MGAT4C: variants seen among roughly 807,000 people sequenced by gnomAD.
MGAT4C encodes the protein alpha-1,3-mannosyl-glycoprotein 4-beta-N-acetylglucosaminyltransferase C.
In MGAT4C, 19 loss-of-function variants were observed where a neutral mutation model predicts 40.1. The observed-to-expected ratio is 0.47, with a 90% CI of 0.33 to 0.70. MGAT4C has a LOEUF of 0.70. MGAT4C is among the 30% of genes least tolerant of loss of function. The pLI is 0.02. For missense variants in MGAT4C, 491 were observed against 563.2 expected (o/e 0.87, Z 1.30); for synonymous variants, 181 against 187.1 (o/e 0.97, Z 0.27).
intron 4 of MGAT4C, among the ~76,000 whole-genome samples, chr12:86,331,304 C>T (rs575695523): frequency 3.9e-5 from 6 of 152,184 alleles, no homozygotes; most frequent in Non-Finnish European, 7.4e-5. Context: ...GGCCTGCTAG[C>T]ACTTGGGAGG....
At chr12:86,437,072 T>C (rs1957150121) in intron 2 of MGAT4C, among the ~76,000 whole-genome samples, 1 of 151,616 alleles carries the variant, frequency 6.6e-6, no homozygotes, top group African/African-American at 2.4e-5. Context: ...TGGCAGTGAG[T>C]TAATTTATAA....
chr12:86,568,545 C>CATATATAT (rs1232291041), intron 2 of MGAT4C, among the ~76,000 whole-genome samples: 8,159 of 138,452 alleles, frequency 0.059, 266 homozygotes, highest in East Asian at 0.11. Context: ...AACTCCCCTT[C>CATATATAT]ATATATATAT....
At position 86,034,292 on chromosome 12, in the gene MGAT4C, C is replaced by G. The variant is rs926304487; in HGVS notation, c.-7+15382G>C. 2.0e-5 allele frequency among the ~76,000 whole-genome samples: 3 copies of G among 149,554 alleles called. 1 individual carries two copies. The highest frequency in any genetic ancestry group is 4.9e-5 in the African/African-American group (2 of 41,206). On this transcript the variant is annotated intron_variant, in intron 2 of 4. Coordinates refer to ENST00000611864, the MANE Select transcript of MGAT4C (RefSeq NM_001351288.2). The stretch of plus-strand genomic sequence containing the variant: ...AGAATGAGTTAGGAAGGAGTCCCTT[C>G]TCTTCAAATTTTTGGAATAGTTTCA...
At chr12:86,063,845 A>T (rs1368506407) in intron 1 of MGAT4C, among the ~76,000 whole-genome samples, 2 of 152,274 alleles carry the variant, frequency 1.3e-5, no homozygotes, top group South Asian at 4.1e-4. Context: ...CAACAAGAAG[A>T]GCTAACTATT....
intron 3 of MGAT4C, among the ~76,000 whole-genome samples, chr12:86,379,473 T>G (rs1048742406): frequency 1.3e-5 from 2 of 152,152 alleles, no homozygotes; most frequent in East Asian, 3.8e-4. Flanking sequence ...AAAGTTTATA[T>G]TATTTGCACT....
chr12:86,484,472 A>G (rs1957985023), intron 2 of MGAT4C, among the ~76,000 whole-genome samples: 1 of 152,210 alleles, frequency 6.6e-6, no homozygotes, highest in Admixed American at 6.5e-5. Flanking sequence ...CTTTGCCTGC[A>G]GTCCCACCTG....
At position 85,975,146 on chromosome 12, in the gene MGAT4C, A is replaced by G. The variant is rs1883879943; in HGVS notation, c.*4143T>C. ...TTTTGATAAGGTTTCTAGAGTAATA[A>G]ATTAGAATGACAGGAATATATATTG... On this transcript the variant is annotated 3_prime_UTR_variant, in exon 5 of 5. Transcript: ENST00000611864. 6.6e-6 allele frequency: 1 copy of G among 150,928 alleles called. No individual in the cohort carries two copies. The highest frequency in any genetic ancestry group is 2.4e-5 in the African/African-American group (1 of 41,314). The allele number at this position is 150,928 out of a possible 1,614,324, so 9.3% of individuals were successfully genotyped here.
chr12:86,014,303 A>C (rs1426592469), intron 2 of MGAT4C, among the ~76,000 whole-genome samples: 2 of 152,148 alleles, frequency 1.3e-5, no homozygotes, highest in Non-Finnish European at 2.9e-5. Flanking sequence ...CTAAACCGGA[A>C]CTGGGAAACT....
At chr12:86,203,318 GA>G (rs1425003753) in intron 1 of MGAT4C, among the ~76,000 whole-genome samples, 1 of 152,098 alleles carries the variant, frequency 6.6e-6, no homozygotes, top group East Asian at 1.9e-4. Flanking sequence ...GGGTAGGCTA[GA>G]ACTCTAATGG....
chr12:86,610,098 C>T (rs868140391), intron 2 of MGAT4C, among the ~76,000 whole-genome samples: 60 of 152,172 alleles, frequency 3.9e-4, no homozygotes, highest in African/African-American at 1.2e-3. Flanking sequence ...ACTGACCATG[C>T]ATGGCAATTT....
chr12:86,295,312 T>C (rs1393298141), intron 4 of MGAT4C, among the ~76,000 whole-genome samples: 1 of 152,178 alleles, frequency 6.6e-6, no homozygotes, highest in Non-Finnish European at 1.5e-5. Flanking sequence ...ATAAAAGTAA[T>C]GTGCCTGGAA....
chr12:86,216,252 A>G (rs531364075), intron 1 of MGAT4C, among the ~76,000 whole-genome samples: 5 of 152,336 alleles, frequency 3.3e-5, no homozygotes, highest in African/African-American at 1.2e-4. Context: ...GAGGTGCCTT[A>G]GAAAAGATAG....
intron 1 of MGAT4C, among the ~76,000 whole-genome samples, chr12:86,117,233 A>G (rs756047510): frequency 6.6e-6 from 1 of 152,196 alleles, no homozygotes; most frequent in Non-Finnish European, 1.5e-5. Flanking sequence ...TGGGCTAAAG[A>G]AGAAAACCAC....
At chr12:86,325,701 A>G (rs756778272) in intron 4 of MGAT4C, among the ~76,000 whole-genome samples, 8 of 152,070 alleles carry the variant, frequency 5.3e-5, no homozygotes, top group Non-Finnish European at 1.0e-4. Context: ...AATATGTCAA[A>G]GCCCTATCTC....
intron 3 of MGAT4C, among the ~76,000 whole-genome samples, chr12:86,390,157 A>T (rs1956138183): frequency 6.6e-6 from 1 of 152,192 alleles, no homozygotes; most frequent in Non-Finnish European, 1.5e-5. Context: ...AGCTGATTCC[A>T]AAAGAGCTCA....
intron 2 of MGAT4C, among the ~76,000 whole-genome samples, chr12:86,499,163 T>C (rs1356913742): frequency 6.6e-6 from 1 of 151,908 alleles, no homozygotes; most frequent in Non-Finnish European, 1.5e-5. Context: ...TAAGCCTTCA[T>C]TGACAGTGGG....
chr12:86,530,191 T>C (rs2136371770), intron 2 of MGAT4C, among the ~76,000 whole-genome samples: 1 of 152,128 alleles, frequency 6.6e-6, no homozygotes, highest in Non-Finnish European at 1.5e-5. Context: ...TCTTCTTTGT[T>C]CCTTATAACT....
intron 2 of MGAT4C, among the ~76,000 whole-genome samples, chr12:86,478,952 C>T (rs908786796): frequency 2.0e-5 from 3 of 151,786 alleles, no homozygotes; most frequent in Non-Finnish European, 4.4e-5. Context: ...TAACCTAGTC[C>T]TAAGATTAAA....
At chr12:86,398,772 G>T (rs1271548065) in intron 3 of MGAT4C, among the ~76,000 whole-genome samples, 1 of 151,770 alleles carries the variant, frequency 6.6e-6, no homozygotes, top group Non-Finnish European at 1.5e-5. Context: ...CTGTCTTGGA[G>T]TTGGACATAA....
Sources: gnomAD v4.1 joint callset for allele counts (sites outside exome capture counted in the v4.1 genomes callset) on GRCh38, gnomAD v4.1.1 for gene constraint, MANE v1.5 for transcripts, NCBI Gene and HGNC (gene_info 2026-07-23, HGNC 2026-07-21) for gene names.